ZCCHC24: variants seen among roughly 807,000 people sequenced by gnomAD.
ZCCHC24 encodes the protein zinc finger CCHC-type containing 24, also known as zinc finger CCHC domain-containing protein 24.
A neutral mutation model predicts 26.2 loss-of-function variants in ZCCHC24; 10 were observed. That is an observed-to-expected ratio of 0.38 (90% CI 0.24 to 0.65). ZCCHC24 has a LOEUF of 0.65. Ranked by LOEUF, ZCCHC24 falls within the 30% of genes least tolerant of loss-of-function variation. The pLI, the probability that ZCCHC24 is intolerant of heterozygous loss-of-function variation, is 0.54. For synonymous variants in ZCCHC24, 144 were observed against 147.1 expected (o/e 0.98, Z 0.15); for missense variants, 243 against 329.1 (o/e 0.74, Z 2.03).
intron 2 of ZCCHC24, among the ~76,000 whole-genome samples, chr10:79,426,318 A>T (rs1045543926): frequency 6.6e-6 from 1 of 152,242 alleles, no homozygotes; most frequent in African/African-American, 2.4e-5. Flanking sequence ...ACTCCCAGTT[A>T]GACCATTAAA....
At chr10:79,418,026 A>G (rs1856888994) in intron 2 of ZCCHC24, among the ~76,000 whole-genome samples, 1 of 152,132 alleles carries the variant, frequency 6.6e-6, no homozygotes, top group African/African-American at 2.4e-5. Context: ...CTGGGCAGCC[A>G]CCCCAGACAT....
intron 1 of ZCCHC24, among the ~76,000 whole-genome samples, chr10:79,441,769 A>T (rs970122820): frequency 2.6e-5 from 4 of 152,190 alleles, no homozygotes; most frequent in African/African-American, 9.7e-5. Flanking sequence ...TCTTGACAGT[A>T]GGGCCACACC....
intron 2 of ZCCHC24, among the ~76,000 whole-genome samples, chr10:79,427,860 C>T (rs1459411153): frequency 6.6e-6 from 1 of 151,784 alleles, no homozygotes; most frequent in Non-Finnish European, 1.5e-5. Context: ...GCCTCGGTGA[C>T]AGAGTGGAAT....
chr10:79,421,241 A>G (rs1450487656), intron 2 of ZCCHC24, among the ~76,000 whole-genome samples: 3 of 152,206 alleles, frequency 2.0e-5, no homozygotes, highest in Non-Finnish European at 2.9e-5. Flanking sequence ...TGCTCACGAC[A>G]TTCCAGGTTC....
chr10:79,429,099 A>G (rs923637769), intron 2 of ZCCHC24, among the ~76,000 whole-genome samples: 2 of 152,244 alleles, frequency 1.3e-5, no homozygotes, highest in African/African-American at 4.8e-5. Flanking sequence ...CAGAAAATAT[A>G]ACAGGAAGGA....
At position 79,383,980 on chromosome 10, in the gene ZCCHC24, T is replaced by C. The variant is rs1564629784; in HGVS notation, c.*2365A>G. ...CACACTTTCCCATCCCCTGGGCTCC[T>C]GGCCCTCTGAGCACTTAATTCTCAA... On this transcript the variant is annotated 3_prime_UTR_variant, in exon 4 of 4. Coordinates refer to ENST00000372336, the MANE Select transcript of ZCCHC24 (RefSeq NM_153367.4). 6.5e-6 allele frequency: 1 copy of C among 152,796 alleles called. No homozygotes were observed. The highest frequency in any genetic ancestry group is 1.5e-5 in the Non-Finnish European group (1 of 68,060). The allele number at this position is 152,796 out of a possible 1,614,324, so 9.5% of individuals were successfully genotyped here.
chr10:79,444,603 G>C (rs1857335620), intron 1 of ZCCHC24, among the ~76,000 whole-genome samples: 1 of 152,216 alleles, frequency 6.6e-6, no homozygotes, highest in African/African-American at 2.4e-5. Context: ...ATGTGGCTGG[G>C]GGAGGGCGAG....
intron 2 of ZCCHC24, among the ~76,000 whole-genome samples, chr10:79,424,262 G>C (rs964801446): frequency 6.6e-6 from 1 of 152,208 alleles, no homozygotes; most frequent in African/African-American, 2.4e-5. Flanking sequence ...AGCCTTTCCT[G>C]TTTTGCTCAT....
chr10:79,394,649 G>T (rs1856521239), intron 2 of ZCCHC24: 2 of 985,274 alleles, frequency 2.0e-6, no homozygotes, highest in Non-Finnish European at 1.2e-6. Context: ...AGAAAACAGA[G>T]GAGATGGTGA....
chr10:79,411,630 C>T (rs1297406003), intron 2 of ZCCHC24, among the ~76,000 whole-genome samples: 1 of 152,202 alleles, frequency 6.6e-6, no homozygotes, highest in Non-Finnish European at 1.5e-5. Context: ...CCACTGCCCA[C>T]GGGTGCCCCA....
rs1564630258 is a variant in ZCCHC24, at chr10:79,385,681, A to T, written c.*664T>A. 6.5e-6 allele frequency: 1 copy of T among 154,334 alleles called. No homozygotes were observed. The highest frequency in any genetic ancestry group is 1.9e-4 in the East Asian group (1 of 5,284). 9.6% of individuals were successfully genotyped at this position (154,334 alleles called of 1,614,324 possible). A position where few individuals can be genotyped will look rare whatever the true frequency, so the allele number is the denominator to read the frequency against. The stretch of plus-strand genomic sequence containing the variant: ...GTTCACCAGGACGCATCTCTCCAGC[A>T]TTCTGTGCCTCCCCCATGCCTAACC... On this transcript the variant is annotated 3_prime_UTR_variant, in exon 4 of 4. Coordinates refer to ENST00000372336, the MANE Select transcript of ZCCHC24 (RefSeq NM_153367.4). The surrounding 1 kb of genome is among the most constrained non-coding windows in gnomAD (Gnocchi z 4.3).
rs186794510 is a variant in ZCCHC24 at position 79,427,854 on chromosome 10, C to T, written c.447+4704G>A. ...TGATCACAGCACCGCACTCCAGCCTCGGTGACAGAGTGGAATCCTGTCTCC... is the reference window on the plus strand; with the variant it reads ...TGATCACAGCACCGCACTCCAGCCTTGGTGACAGAGTGGAATCCTGTCTCC... On this transcript the variant is annotated intron_variant, in intron 2 of 3. Coordinates refer to ENST00000372336, the MANE Select transcript of ZCCHC24 (RefSeq NM_153367.4). Among the ~76,000 whole-genome samples, 60 of 151,862 alleles carry T rather than the reference C, an allele frequency of 4.0e-4. No individual in the cohort carries two copies. The East Asian group carries it at 9.3e-3, about 23-fold the overall frequency.
intron 1 of ZCCHC24, 113 bp downstream of exon 1, chr10:79,445,082 A>T (rs1175980782): frequency 9.3e-7 from 1 of 1,075,528 alleles, no homozygotes; most frequent in East Asian, 3.3e-5. Context: ...GGGCCCGGCA[A>T]TGCGGAGCCG....
intron 1 of ZCCHC24, 47 bp downstream of exon 1, chr10:79,445,148 G>A (rs1309038490): frequency 4.8e-6 from 6 of 1,258,764 alleles, no homozygotes; most frequent in Non-Finnish European, 6.0e-6. Context: ...CCACGGTGGG[G>A]CGGTGGGGCG....
At chr10:79,416,985 C>G (rs1349788359) in intron 2 of ZCCHC24, among the ~76,000 whole-genome samples, 1 of 152,244 alleles carries the variant, frequency 6.6e-6, no homozygotes, top group African/African-American at 2.4e-5. Context: ...ACGGCAGACA[C>G]TGTGGATGGC....
rs1259701438 is a variant in ZCCHC24 at position 79,383,775 on chromosome 10, C to G, written c.*2570G>C. 1 of 151,992 alleles carries G rather than the reference C, an allele frequency of 6.6e-6. No individual in the cohort carries two copies. The highest frequency in any genetic ancestry group is 2.4e-5 in the African/African-American group (1 of 41,228). The allele number at this position is 151,992 out of a possible 1,614,324, so 9.4% of individuals were successfully genotyped here. The stretch of plus-strand genomic sequence containing the variant: ...ATTTTAACATCTATGAATTTTTTTT[C>G]CAAAATACACACATATTTTTTTAAA... On this transcript the variant is annotated 3_prime_UTR_variant, in exon 4 of 4. Transcript: ENST00000372336.
intron 2 of ZCCHC24, among the ~76,000 whole-genome samples, chr10:79,417,600 C>A (rs780345770): frequency 2.6e-5 from 4 of 152,116 alleles, no homozygotes; most frequent in Non-Finnish European, 5.9e-5. Flanking sequence ...GTTATGTAAT[C>A]TGTTACAAAA....
At chr10:79,393,073 A>G (rs1856500997) in intron 3 of ZCCHC24, among the ~76,000 whole-genome samples, 1 of 152,072 alleles carries the variant, frequency 6.6e-6, no homozygotes, top group South Asian at 2.1e-4. Context: ...CTATCTGACC[A>G]TCAAACACTG....
intron 3 of ZCCHC24, among the ~76,000 whole-genome samples, chr10:79,387,140 T>G (rs1856408138): frequency 6.6e-6 from 1 of 152,106 alleles, no homozygotes; most frequent in African/African-American, 2.4e-5. Context: ...GCCCTATTTG[T>G]TGAGGCTGCA....
Sources: allele counts gnomAD v4.1 joint callset (sites outside exome capture counted in the v4.1 genomes callset), GRCh38; gene constraint gnomAD v4.1.1; non-coding constraint Gnocchi (gnomAD v3.1); transcripts MANE v1.5; gene names NCBI Gene and HGNC (gene_info 2026-07-23, HGNC 2026-07-21).